Variants in PDE4D observed in about 807,000 individuals in gnomAD.
PDE4D encodes the protein phosphodiesterase 4D.
Under a neutral mutation model 87.4 loss-of-function variants are expected in PDE4D, and 24 were observed. The observed-to-expected ratio is 0.27, with a 90% CI of 0.20 to 0.39. The LOEUF is 0.39. Among genes scored for constraint, PDE4D ranks in the 10% least tolerant of loss-of-function variants. PDE4D has a pLI of 1.00. For synonymous variants in PDE4D, 384 were observed against 383.2 expected (o/e 1.00, Z -0.02); for missense variants, 714 against 1,041.0 (o/e 0.69, Z 4.32).
chr5:59,057,189 C>A (rs1762498283), intron 5 of PDE4D, among the ~76,000 whole-genome samples: 1 of 152,196 alleles, frequency 6.6e-6, no homozygotes, highest in African/African-American at 2.4e-5. Context: ...TGGCAGATCC[C>A]TGTTCCTCTT....
At chr5:60,087,310 T>C (rs1241294452) in intron 2 of PDE4D, among the ~76,000 whole-genome samples, 1 of 152,162 alleles carries the variant, frequency 6.6e-6, no homozygotes, top group East Asian at 1.9e-4. Context: ...GGTAGCTGAC[T>C]CTTCAAACAC....
chr5:59,767,585 C>T (rs1045805118), intron 1 of PDE4D, among the ~76,000 whole-genome samples: 3 of 151,504 alleles, frequency 2.0e-5, no homozygotes, highest in African/African-American at 7.3e-5. Flanking sequence ...AAAATATTCA[C>T]AAAGAAAATA....
intron 2 of PDE4D, among the ~76,000 whole-genome samples, chr5:59,999,516 T>C (rs1458163167): frequency 7.9e-6 from 1 of 126,658 alleles, no homozygotes; most frequent in Non-Finnish European, 1.6e-5. Flanking sequence ...AAAGAAGATG[T>C]ATCCCGTGGT....
intron 1 of PDE4D, among the ~76,000 whole-genome samples, chr5:59,490,821 A>G (rs906962129): frequency 3.9e-5 from 6 of 152,238 alleles, no homozygotes; most frequent in Non-Finnish European, 7.3e-5. Flanking sequence ...GTACCACGAA[A>G]GTAAAAGGCT....
chr5:60,496,652 A>T (rs1448812678), intron 1 of PDE4D, among the ~76,000 whole-genome samples: 1 of 152,224 alleles, frequency 6.6e-6, no homozygotes, highest in Non-Finnish European at 1.5e-5. Flanking sequence ...CATGTATTTT[A>T]TTGCTTGATT....
intron 3 of PDE4D, chr5:59,987,309 G>C (rs962775293): frequency 2.6e-5 from 4 of 152,182 alleles, no homozygotes; most frequent in African/African-American, 9.7e-5. Flanking sequence ...GTATGAGTCT[G>C]ATCAATGTGT....
intron 7 of PDE4D, among the ~76,000 whole-genome samples, chr5:58,993,033 C>T (rs996501307): frequency 1.2e-4 from 19 of 152,204 alleles, no homozygotes; most frequent in African/African-American, 4.6e-4. Context: ...ACACCTATTG[C>T]CCAACAATGG....
chr5:59,730,294 T>C (rs1018420593), intron 1 of PDE4D, among the ~76,000 whole-genome samples: 1 of 152,086 alleles, frequency 6.6e-6, no homozygotes, highest in Non-Finnish European at 1.5e-5. Flanking sequence ...GATACTAAAC[T>C]GGGGACAACC....
chr5:60,387,500 A>G (rs1427866513), intron 1 of PDE4D, among the ~76,000 whole-genome samples: 1 of 152,190 alleles, frequency 6.6e-6, no homozygotes, highest in Non-Finnish European at 1.5e-5. Context: ...ACTGACTATA[A>G]AATGAAGGAT....
intron 1 of PDE4D, among the ~76,000 whole-genome samples, chr5:59,798,365 T>A (rs1413879652): frequency 1.5e-5 from 2 of 131,426 alleles, no homozygotes; most frequent in Non-Finnish European, 3.4e-5. Context: ...ACCAAAAAAT[T>A]TTTTTTAAAA....
chr5:60,444,869 CA>C (rs1745519018), intron 1 of PDE4D, among the ~76,000 whole-genome samples: 1 of 147,848 alleles, frequency 6.8e-6, no homozygotes, highest in African/African-American at 2.5e-5. Flanking sequence ...GCTTTGGAGT[CA>C]TGGCTCTTTC....
intron 1 of PDE4D, among the ~76,000 whole-genome samples, chr5:60,244,402 C>G (rs950115391): frequency 1.3e-5 from 2 of 151,682 alleles, no homozygotes; most frequent in Non-Finnish European, 2.9e-5. Context: ...TCAATGCACT[C>G]CCTATCAAAA....
chr5:59,062,498 A>G (rs1283477095), intron 5 of PDE4D, among the ~76,000 whole-genome samples: 1 of 152,114 alleles, frequency 6.6e-6, no homozygotes, highest in Non-Finnish European at 1.5e-5. Context: ...CAGATGTTTG[A>G]GACTATAGTT....
chr5:60,108,420 A>C (rs1019667322), intron 2 of PDE4D, among the ~76,000 whole-genome samples: 1 of 152,210 alleles, frequency 6.6e-6, no homozygotes, highest in Non-Finnish European at 1.5e-5. Flanking sequence ...ATATCGTGAA[A>C]ATGGCCATAC....
intron 4 of PDE4D, among the ~76,000 whole-genome samples, chr5:59,182,324 C>T (rs1741848361): frequency 6.6e-6 from 1 of 151,550 alleles, no homozygotes; most frequent in South Asian, 2.1e-4. Context: ...GTGGTGTGAT[C>T]ATAGCTCACT....
intron 3 of PDE4D, among the ~76,000 whole-genome samples, chr5:59,975,067 T>C (rs1166949690): frequency 6.6e-6 from 1 of 152,188 alleles, no homozygotes; most frequent in Non-Finnish European, 1.5e-5. Context: ...TTTTACTTAC[T>C]CCTCCACCTT....
chr5:59,074,573 C>T (rs1765376780), intron 5 of PDE4D, among the ~76,000 whole-genome samples: 1 of 152,110 alleles, frequency 6.6e-6, no homozygotes, highest in Admixed American at 6.6e-5. Context: ...GCCTGGCCAA[C>T]ATGGTGAAAC....
intron 3 of PDE4D, among the ~76,000 whole-genome samples, chr5:59,961,142 G>A (rs1260023243): frequency 6.6e-6 from 1 of 152,114 alleles, no homozygotes; most frequent in Admixed American, 6.6e-5. Context: ...GAATAAGAAT[G>A]TAAACTTACT....
intron 1 of PDE4D, among the ~76,000 whole-genome samples, chr5:60,414,951 G>A (rs1464028179): frequency 6.6e-6 from 1 of 152,234 alleles, no homozygotes; most frequent in East Asian, 1.9e-4. Context: ...GAAGGGAAAT[G>A]AAATTTGAGT....
Sources: gnomAD v4.1 joint callset for allele counts (sites outside exome capture counted in the v4.1 genomes callset) on GRCh38, gnomAD v4.1.1 for gene constraint, MANE v1.5 for transcripts, NCBI Gene and HGNC (gene_info 2026-07-23, HGNC 2026-07-21) for gene names.